The following ZDHHC14 variants were observed in gnomAD, a reference collection of about 807,000 sequenced individuals.
The protein encoded by ZDHHC14 is palmitoyltransferase ZDHHC14.
A neutral mutation model predicts 47.7 loss-of-function variants in ZDHHC14; 16 were observed. The ratio of observed to expected loss-of-function variants is 0.34; its 90% CI spans 0.23 to 0.51. The LOEUF is 0.51. ZDHHC14 is among the 20% of genes least tolerant of loss of function. The pLI is 0.97. For missense variants in ZDHHC14, 515 were observed against 662.5 expected, an observed-to-expected ratio of 0.78 and a Z score of 2.44; for synonymous variants, 293 against 278.9, an observed-to-expected ratio of 1.05 and a Z score of -0.50.
At chr6:157,570,314 T>C (rs142933886) in intron 2 of ZDHHC14, among the ~76,000 whole-genome samples, 45 of 152,370 alleles carry the variant, frequency 3.0e-4, no homozygotes, top group Non-Finnish European at 3.7e-4. Flanking sequence ...TCTTGTCTAC[T>C]TGTCTTACAA....
At chr6:157,608,160 A>C (rs918425660) in intron 3 of ZDHHC14, among the ~76,000 whole-genome samples, 1 of 152,216 alleles carries the variant, frequency 6.6e-6, no homozygotes, top group African/African-American at 2.4e-5. Flanking sequence ...CTGTGCGTGC[A>C]TGGATTTGCC....
intron 2 of ZDHHC14, among the ~76,000 whole-genome samples, chr6:157,572,719 G>A (rs1299539157): frequency 7.0e-6 from 1 of 141,924 alleles, no homozygotes; most frequent in African/African-American, 2.7e-5. Context: ...GTTTACCACT[G>A]TATCTACAGC....
chr6:157,608,561 G>A (rs986708223), intron 3 of ZDHHC14, among the ~76,000 whole-genome samples: 1 of 152,196 alleles, frequency 6.6e-6, no homozygotes, highest in African/African-American at 2.4e-5. Flanking sequence ...GAGGATGCCT[G>A]TGCTGAGCCC....
At chr6:157,612,020 A>G (rs1784768336) in intron 3 of ZDHHC14, among the ~76,000 whole-genome samples, 1 of 150,868 alleles carries the variant, frequency 6.6e-6, no homozygotes, top group Non-Finnish European at 1.5e-5. Flanking sequence ...AAAGCACCCC[A>G]AATCATCTTT....
rs137955551 is a variant in ZDHHC14 at position 157,618,051 on chromosome 6, G to A, written c.566-10298G>A. ...TCTGAGGGGTGTTGGATGATAGCACGAGTTTGTTTTTCAATTTTGCAAGAT... is the reference window on the plus strand; with the variant it reads ...TCTGAGGGGTGTTGGATGATAGCACAAGTTTGTTTTTCAATTTTGCAAGAT... On this transcript the variant is annotated intron_variant, in intron 3 of 8. Transcript: ENST00000359775. Among the ~76,000 whole-genome samples the A allele has an allele frequency of 3.3e-3, 498 of 152,296 alleles. 3 individuals carry two copies. Among genetic ancestry groups the A allele is most frequent in the African/African-American group, 0.012 (481 of 41,564 alleles).
At chr6:157,670,042 C>G (rs1222914723) in intron 8 of ZDHHC14, among the ~76,000 whole-genome samples, 4 of 152,216 alleles carry the variant, frequency 2.6e-5, no homozygotes, top group Non-Finnish European at 5.9e-5. Context: ...AAGACTGAGC[C>G]CATGTCCTGA....
At chr6:157,414,570 C>T (rs760036911) in intron 1 of ZDHHC14, among the ~76,000 whole-genome samples, 17 of 152,206 alleles carry the variant, frequency 1.1e-4, no homozygotes, top group Non-Finnish European at 1.6e-4. Context: ...TGTTGACCAT[C>T]TCTATGGGCT....
chr6:157,531,596 C>G (rs539834849), intron 1 of ZDHHC14, among the ~76,000 whole-genome samples: 3 of 152,222 alleles, frequency 2.0e-5, no homozygotes, highest in African/African-American at 7.2e-5. Flanking sequence ...TGCCCCACCC[C>G]CCAACCCCCA....
intron 1 of ZDHHC14, among the ~76,000 whole-genome samples, chr6:157,423,411 TC>T (rs1778149008): frequency 6.6e-6 from 1 of 152,182 alleles, no homozygotes; most frequent in Admixed American, 6.5e-5. Flanking sequence ...GACTTTTTTT[TC>T]TTAGTGCAAA....
chr6:157,456,554 A>C (rs1303038871), intron 1 of ZDHHC14, among the ~76,000 whole-genome samples: 1 of 152,102 alleles, frequency 6.6e-6, no homozygotes, highest in East Asian at 1.9e-4. Context: ...ACACCCTTAA[A>C]ACTGTCAAGA....
rs144307980 is a variant in ZDHHC14 at position 157,585,636 on chromosome 6, C to A, written c.407-7352C>A. ...GCCCTGGGTTTCAAGCCCCCTTGTTCCCATCTGCCCTGGATGCAAGTGTGT... is the reference window on the plus strand; with the variant it reads ...GCCCTGGGTTTCAAGCCCCCTTGTTACCATCTGCCCTGGATGCAAGTGTGT... On this transcript the variant is annotated intron_variant, in intron 2 of 8. Transcript: ENST00000359775. 1.6e-3 allele frequency among the ~76,000 whole-genome samples: 244 copies of A among 152,320 alleles called. 1 individual carries two copies. Among genetic ancestry groups the A allele is most frequent in the African/African-American group, 5.5e-3 (227 of 41,570 alleles).
intron 8 of ZDHHC14, among the ~76,000 whole-genome samples, chr6:157,669,286 A>T (rs926501900): frequency 6.6e-6 from 1 of 151,504 alleles, no homozygotes; most frequent in African/African-American, 2.4e-5. Flanking sequence ...AAGGGCCAGC[A>T]GCTGATGGAG....
chr6:157,492,933 A>T (rs1341954411), intron 1 of ZDHHC14, among the ~76,000 whole-genome samples: 7 of 152,068 alleles, frequency 4.6e-5, no homozygotes, highest in African/African-American at 1.7e-4. Flanking sequence ...AAGGGAAGGC[A>T]GGGAGGGAAG....
intron 1 of ZDHHC14, among the ~76,000 whole-genome samples, chr6:157,500,461 G>T (rs1780168613): frequency 6.6e-6 from 1 of 152,078 alleles, no homozygotes; most frequent in South Asian, 2.1e-4. Flanking sequence ...GACGTAAGGG[G>T]GCAGGAGAGG....
chr6:157,562,085 G>A (rs908230055), intron 2 of ZDHHC14, among the ~76,000 whole-genome samples: 1 of 152,206 alleles, frequency 6.6e-6, no homozygotes, highest in African/African-American at 2.4e-5. Context: ...CAGGGAAGGG[G>A]CAGAAGATGC....
intron 2 of ZDHHC14, among the ~76,000 whole-genome samples, chr6:157,561,854 T>C (rs1291572653): frequency 6.6e-6 from 1 of 151,966 alleles, no homozygotes; most frequent in East Asian, 1.9e-4. Context: ...ATAAGTGGGG[T>C]TTTCACCATG....
chr6:157,479,857 A>G (rs1384266209), intron 1 of ZDHHC14, among the ~76,000 whole-genome samples: 43 of 152,188 alleles, frequency 2.8e-4, no homozygotes, highest in Non-Finnish European at 1.3e-4. Context: ...TGATTGAGCC[A>G]TTTCTGTGGT....
At chr6:157,560,036 CGAATTACACTATACGTCTATGAT>C (rs1782644980) in intron 2 of ZDHHC14, among the ~76,000 whole-genome samples, 1 of 152,174 alleles carries the variant, frequency 6.6e-6, no homozygotes, top group Non-Finnish European at 1.5e-5. Flanking sequence ...AATGGATACA[CGAATTACACTATACGTCTATGAT>C]GAATTACACT....
At chr6:157,476,907 A>G (rs1779498727) in intron 1 of ZDHHC14, among the ~76,000 whole-genome samples, 1 of 152,226 alleles carries the variant, frequency 6.6e-6, no homozygotes, top group Non-Finnish European at 1.5e-5. Flanking sequence ...ACCTCAACAC[A>G]GTAAAGGTCA....
Sources: allele counts gnomAD v4.1 joint callset (sites outside exome capture counted in the v4.1 genomes callset), GRCh38; gene constraint gnomAD v4.1.1; transcripts MANE v1.5; gene names NCBI Gene and HGNC (gene_info 2026-07-23, HGNC 2026-07-21).